The following SNTA1 variants were observed in gnomAD, a reference collection of about 807,000 sequenced individuals.
SNTA1 encodes alpha-1-syntrophin.
SNTA1 carries 31 observed loss-of-function variants against 47.1 expected under a neutral mutation model. That is an observed-to-expected ratio of 0.66 (90% CI 0.49 to 0.89). The LOEUF is 0.89. Ranked by LOEUF, SNTA1 falls within the 40% of genes least tolerant of loss-of-function variation. The pLI, the probability that SNTA1 is intolerant of heterozygous loss-of-function variation, is 0.00. For synonymous variants in SNTA1, 300 were observed against 313.6 expected (o/e 0.96, Z 0.46); for missense variants, 575 against 693.0 (o/e 0.83, Z 1.91).
intron 2 of SNTA1, among the ~76,000 whole-genome samples, chr20:33,429,929 A>G (rs1286583216): frequency 1.3e-5 from 2 of 152,056 alleles, no homozygotes; most frequent in African/African-American, 2.4e-5. Context: ...TGCCTGGCTA[A>G]TTTTTGTAAC....
Position 33,441,650 on chromosome 20 carries a change from A to G in SNTA1, c.310+1661T>C, listed in dbSNP as rs73615647. Among the ~76,000 whole-genome samples the G allele has an allele frequency of 1.1e-3, 161 of 152,226 alleles. 2 individuals carry two copies. In the East Asian group the frequency reaches 0.031, roughly 29 times the overall value. ...GCTAGACTTTATAGGAGGGGTTACC[A>G]TGGCAACAGGAGCCCAGATTTGGAT... On this transcript the variant is annotated intron_variant, in intron 1 of 7. Coordinates refer to ENST00000217381, the MANE Select transcript of SNTA1 (RefSeq NM_003098.3).
intron 2 of SNTA1, among the ~76,000 whole-genome samples, chr20:33,434,445 A>C (rs291680): frequency 0.6 from 90,983 of 151,942 alleles, 28,220 homozygotes; most frequent in South Asian, 0.69. Context: ...AAAAACATGA[A>C]GGCCACATTC....
In SNTA1 at chr20:33,416,961, AAGTT is replaced by A. The variant is rs1187117913; in HGVS notation, c.701+754_701+757del. On this transcript the variant is annotated intron_variant, in intron 3 of 7. Coordinates refer to ENST00000217381, the MANE Select transcript of SNTA1 (RefSeq NM_003098.3). ...GTCAAAAAAAAAAAAAAAAAAAAAA[AAGTT>A]AGCCAGGTGTGGTGGTGGGCGCCTG... is the stretch of plus-strand genomic sequence containing the variant. 3.4e-3 allele frequency among the ~76,000 whole-genome samples: 502 copies of A among 149,386 alleles called. 3 individuals are homozygous for A. Among genetic ancestry groups the A allele is most frequent in the Middle Eastern group, 0.01 (3 of 294 alleles).
At chr20:33,411,229 G>A (rs568697355) in intron 5 of SNTA1, among the ~76,000 whole-genome samples, 4 of 151,772 alleles carry the variant, frequency 2.6e-5, no homozygotes, top group African/African-American at 4.8e-5. Flanking sequence ...GCAGACCCTC[G>A]AGTCCCCAGG....
chr20:33,443,238 G>A, intron 1 of SNTA1, 73 bp downstream of exon 1: 2 of 1,221,624 alleles, frequency 1.6e-6, no homozygotes, highest in Non-Finnish European at 2.2e-6. Flanking sequence ...TGTCCTGGGC[G>A]CGCTGCCAGC....
chr20:33,430,304 T>G (rs1213360594), intron 2 of SNTA1, among the ~76,000 whole-genome samples: 2 of 149,680 alleles, frequency 1.3e-5, no homozygotes, highest in Non-Finnish European at 3.0e-5. Context: ...TTTTTTTTTT[T>G]TTGAGACGGA....
At chr20:33,408,965 C>T in intron 6 of SNTA1, 77 bp from the exon 7 acceptor site, 1 of 1,343,784 alleles carries the variant, frequency 7.4e-7, no homozygotes, top group Non-Finnish European at 1.1e-6. Flanking sequence ...CCCACCGCAG[C>T]TTACAAAGTG....
rs1045594172 is a variant in SNTA1, at chr20:33,440,372, C to T, written c.311-1346G>A. On this transcript the variant is annotated intron_variant, in intron 1 of 7. Transcript: ENST00000217381. ...TCGGGAGGCTGAGTCAGGAGAATTG[C>T]TTGAACCGGGAGGCTGAGGTTGCAA... Among the ~76,000 whole-genome samples the T allele has an allele frequency of 3.9e-5, 6 of 152,084 alleles. 1 individual carries two copies. Among genetic ancestry groups the T allele is most frequent in the Non-Finnish European group, 7.4e-5 (5 of 68,020 alleles).
At chr20:33,410,932 G>A (rs1435427021) in intron 5 of SNTA1, among the ~76,000 whole-genome samples, 1 of 152,120 alleles carries the variant, frequency 6.6e-6, no homozygotes, top group African/African-American at 2.4e-5. Flanking sequence ...CACTTGATTA[G>A]GCAGACAGTC....
rs775674554 is a variant in SNTA1 at position 33,408,791 on chromosome 20, G to GAGC, written c.1332_1334dup (p.Leu446dup). 6.8e-6 allele frequency: 11 copies of GAGC among 1,613,962 alleles called. No homozygotes were observed. The highest frequency in any genetic ancestry group is 9.3e-6 in the Non-Finnish European group (11 of 1,179,958). On this transcript the variant is annotated inframe_insertion, in exon 7 of 8. Transcript: ENST00000217381. ...GCAGCTTCTCGAAGGGCTGTCGCAG[G>GAGC]AGCACAGCTCGGGCTGCACCTGGCT...
intron 3 of SNTA1, 38 bp downstream of exon 3, chr20:33,417,681 C>G: frequency 6.8e-7 from 1 of 1,463,484 alleles, no homozygotes; most frequent in Non-Finnish European, 9.6e-7. Context: ...GACGCCAGGG[C>G]ATCTGTCCAT....
intron 3 of SNTA1, among the ~76,000 whole-genome samples, chr20:33,414,269 A>C (rs74374155): frequency 6.7e-6 from 1 of 149,372 alleles, no homozygotes; most frequent in African/African-American, 2.5e-5. Flanking sequence ...AAAAAAAAAA[A>C]AAACAGAAAA....
chr20:33,434,593 A>G (rs897883061), intron 2 of SNTA1, among the ~76,000 whole-genome samples: 2 of 152,220 alleles, frequency 1.3e-5, no homozygotes, highest in Admixed American at 6.5e-5. Flanking sequence ...CATCTGTAGT[A>G]GACATTGCTA....
At position 33,416,481 on chromosome 20, in the gene SNTA1, A is replaced by G. The variant is rs6059310; in HGVS notation, c.701+1238T>C. 4.0e-3 allele frequency among the ~76,000 whole-genome samples: 616 copies of G among 152,298 alleles called. 7 individuals carry two copies. The highest frequency in any genetic ancestry group is 0.014 in the African/African-American group (580 of 41,560). ...CCTTTCTGGTTGTGTGATCTCAAGT[A>G]GGTTACTTCCCCTCTCTGTCCTCAT... On this transcript the variant is annotated intron_variant, in intron 3 of 7. Transcript: ENST00000217381.
At chr20:33,424,627 C>T (rs1990117750) in intron 2 of SNTA1, among the ~76,000 whole-genome samples, 1 of 151,980 alleles carries the variant, frequency 6.6e-6, no homozygotes, top group Non-Finnish European at 1.5e-5. Context: ...GATCCTCCCA[C>T]CTCAGCCTTC....
chr20:33,443,581 C>G lies in SNTA1; in HGVS notation c.40G>C (p.Glu14Gln). 1.6e-6 allele frequency: 2 copies of G among 1,282,072 alleles called. No homozygotes were observed. Among genetic ancestry groups the G allele is most frequent in the Non-Finnish European group, 2.0e-6 (2 of 1,012,308 alleles). The allele number at this position is 1,282,072 out of a possible 1,614,324, so 79.4% of individuals were successfully genotyped here. ...GRRAPRTGLL[E>Q]LRAGAGSGAG... ...CCCGAGCCCGCCCCGGCGCGCAGCT[C>G]CAGCAGCCCGGTGCGCGGGGCGCGC... Residue 14 changes from glutamate (E) to glutamine (Q), a missense_variant, in exon 1 of 8, where the codon GAG (glutamate) becomes CAG (glutamine). Coordinates refer to ENST00000217381, the MANE Select transcript of SNTA1 (RefSeq NM_003098.3).
chr20:33,427,270 C>A (rs887476020), intron 2 of SNTA1, among the ~76,000 whole-genome samples: 3 of 151,978 alleles, frequency 2.0e-5, no homozygotes, highest in African/African-American at 7.3e-5. Flanking sequence ...AATCCAGGCC[C>A]CGTAATATCA....
chr20:33,430,983 C>T (rs981416767), intron 2 of SNTA1, among the ~76,000 whole-genome samples: 3 of 152,004 alleles, frequency 2.0e-5, no homozygotes, highest in Non-Finnish European at 2.9e-5. Context: ...TTCAGCCAGG[C>T]ACACTGGCTC....
chr20:33,415,168 CAT>C (rs533463508), intron 3 of SNTA1, among the ~76,000 whole-genome samples: 7 of 152,326 alleles, frequency 4.6e-5, no homozygotes, highest in South Asian at 2.1e-4. Flanking sequence ...AACAAACACA[CAT>C]GTACAAATCT....
Sources: allele counts gnomAD v4.1 joint callset (sites outside exome capture counted in the v4.1 genomes callset), GRCh38; gene constraint gnomAD v4.1.1; transcripts MANE v1.5; gene names NCBI Gene and HGNC (gene_info 2026-07-23, HGNC 2026-07-21).